Variants in PLCE1 observed in about 807,000 individuals in gnomAD.
PLCE1 encodes 1-phosphatidylinositol 4,5-bisphosphate phosphodiesterase epsilon-1.
A neutral mutation model predicts 242.8 loss-of-function variants in PLCE1; 119 were observed. That is an observed-to-expected ratio of 0.49 (90% CI 0.42 to 0.57). PLCE1 has a LOEUF of 0.57. Ranked by LOEUF, PLCE1 falls within the 20% of genes least tolerant of loss-of-function variation. The pLI, the probability that PLCE1 is intolerant of heterozygous loss-of-function variation, is 0.00. For synonymous variants in PLCE1, 945 were observed against 1,017.4 expected (o/e 0.93, Z 1.35); for missense variants, 2,441 against 2,788.8 (o/e 0.88, Z 2.81).
intron 4 of PLCE1, among the ~76,000 whole-genome samples, chr10:94,214,260 C>T (rs771656156): frequency 4.6e-5 from 7 of 152,148 alleles, no homozygotes; most frequent in African/African-American, 1.7e-4. Context: ...GACTGCAGTA[C>T]GGGCAGTAAG....
chr10:94,190,751 GT>G (rs2048634550), intron 4 of PLCE1, among the ~76,000 whole-genome samples: 1 of 152,226 alleles, frequency 6.6e-6, no homozygotes, highest in African/African-American at 2.4e-5. Context: ...GAAATATCTA[GT>G]TTGGTACATG....
intron 1 of PLCE1, among the ~76,000 whole-genome samples, chr10:94,010,174 A>T (rs1365763712): frequency 1.3e-5 from 2 of 152,212 alleles, no homozygotes; most frequent in African/African-American, 2.4e-5. Flanking sequence ...TTAACACCGC[A>T]TGGAAGCCAC....
At chr10:94,186,513 A>T (rs1212836356) in intron 4 of PLCE1, among the ~76,000 whole-genome samples, 2 of 152,254 alleles carry the variant, frequency 1.3e-5, no homozygotes, top group African/African-American at 4.8e-5. Flanking sequence ...CTAACACTCT[A>T]GATTTTTTCA....
At chr10:94,082,681 C>A (rs181838843) in intron 2 of PLCE1, among the ~76,000 whole-genome samples, 6 of 152,086 alleles carry the variant, frequency 3.9e-5, no homozygotes, top group African/African-American at 1.4e-4. Flanking sequence ...TAATTTCTGT[C>A]AATGAAAGCC....
intron 2 of PLCE1, chr10:94,094,688 C>A (rs1235115441): frequency 6.6e-6 from 1 of 152,156 alleles, no homozygotes; most frequent in Non-Finnish European, 1.5e-5. Flanking sequence ...GGTGGACGCT[C>A]CTTTTGGTGC....
chr10:94,221,728 C>A (rs1043360722), intron 4 of PLCE1, among the ~76,000 whole-genome samples: 1 of 151,750 alleles, frequency 6.6e-6, no homozygotes, highest in Non-Finnish European at 1.5e-5. Context: ...GAGGGAAGTT[C>A]TGTCTAAAAA....
intron 4 of PLCE1, among the ~76,000 whole-genome samples, chr10:94,210,007 A>T (rs1423968440): frequency 6.6e-6 from 1 of 152,160 alleles, no homozygotes; most frequent in Admixed American, 6.5e-5. Context: ...TGAGACTTAA[A>T]GCCAGCACCT....
At chr10:94,009,241 CAG>C (rs1245148281) in intron 1 of PLCE1, among the ~76,000 whole-genome samples, 1 of 152,034 alleles carries the variant, frequency 6.6e-6, no homozygotes, top group African/African-American at 2.4e-5. Context: ...GGGCAAGAGA[CAG>C]AGAAGGGGGA....
chr10:94,122,417 A>G (rs752935816), intron 2 of PLCE1, among the ~76,000 whole-genome samples: 16 of 152,180 alleles, frequency 1.1e-4, no homozygotes, highest in South Asian at 2.1e-4. Flanking sequence ...TCATTATGAT[A>G]TGATTCATCC....
chr10:94,114,356 G>A (rs1274535310), intron 2 of PLCE1, among the ~76,000 whole-genome samples: 1 of 152,172 alleles, frequency 6.6e-6, no homozygotes, highest in Admixed American at 6.5e-5. Context: ...GGCAGAGGAG[G>A]AGGGAGGGAC....
chr10:94,105,388 G>C (rs1431589558), intron 2 of PLCE1: 1 of 152,204 alleles, frequency 6.6e-6, no homozygotes, highest in East Asian at 1.9e-4. Context: ...TCTCAGACCA[G>C]AGATATCTCT....
At chr10:94,159,736 T>C (rs2047548945) in intron 3 of PLCE1, among the ~76,000 whole-genome samples, 1 of 152,180 alleles carries the variant, frequency 6.6e-6, no homozygotes, top group African/African-American at 2.4e-5. Context: ...TCATTTAACA[T>C]TAGGTATATC....
intron 2 of PLCE1, chr10:94,089,209 T>C: frequency 1.2e-6 from 2 of 1,614,048 alleles, no homozygotes; most frequent in Non-Finnish European, 1.7e-6. Context: ...TTGGTTTCTG[T>C]GCAGCCTCTT....
intron 1 of PLCE1, among the ~76,000 whole-genome samples, chr10:94,013,518 A>G (rs1564624300): frequency 6.6e-6 from 1 of 152,228 alleles, no homozygotes; most frequent in Admixed American, 6.5e-5. Flanking sequence ...TGATTATACA[A>G]AAGGAAACAA....
chr10:94,138,281 G>C, intron 3 of PLCE1: 1 of 340,526 alleles, frequency 2.9e-6, no homozygotes, highest in South Asian at 2.6e-5. Context: ...TGTGCGTATT[G>C]ACCTTCCATG....
In PLCE1 at chr10:93,993,943, C is replaced by T. The variant is rs1024509524; in HGVS notation, c.-680C>T. Among the ~76,000 whole-genome samples the T allele has an allele frequency of 1.3e-5, 2 of 151,128 alleles. No individual in the cohort carries two copies. Among genetic ancestry groups the T allele is most frequent in the African/African-American group, 4.8e-5 (2 of 41,332 alleles). On this transcript the variant is annotated 5_prime_UTR_variant, in exon 1 of 33. Coordinates refer to ENST00000371380, the MANE Select transcript of PLCE1 (RefSeq NM_016341.4). ...GCCGCCGCTGTCCGGGCAGCGCGCA[C>T]ATCTCGGCGGGAGCGGACTGTGAAC... is the stretch of plus-strand genomic sequence containing the variant.
chr10:94,170,100 A>G (rs1002877134), intron 3 of PLCE1, among the ~76,000 whole-genome samples: 2 of 152,186 alleles, frequency 1.3e-5, no homozygotes, highest in Non-Finnish European at 2.9e-5. Flanking sequence ...TTTAGAAAAG[A>G]GTCAGAGAAT....
intron 4 of PLCE1, among the ~76,000 whole-genome samples, chr10:94,213,308 A>G (rs2049406533): frequency 6.6e-6 from 1 of 152,218 alleles, no homozygotes; most frequent in Non-Finnish European, 1.5e-5. Context: ...TTCAAAAAGC[A>G]AGAAAGATGA....
At chr10:94,305,977 C>CT (rs111843654) in intron 25 of PLCE1, among the ~76,000 whole-genome samples, 705 of 145,104 alleles carry the variant, frequency 4.9e-3, no homozygotes, top group African/African-American at 0.012. Context: ...CAATCACTTA[C>CT]TTTTTTTTTT....
Sources: allele counts gnomAD v4.1 joint callset (sites outside exome capture counted in the v4.1 genomes callset), GRCh38; gene constraint gnomAD v4.1.1; transcripts MANE v1.5; gene names NCBI Gene and HGNC (gene_info 2026-07-23, HGNC 2026-07-21).